Variants in MAP2K5 observed in about 807,000 individuals in gnomAD.
The protein encoded by MAP2K5 is dual specificity mitogen-activated protein kinase kinase 5.
MAP2K5 carries 49 observed loss-of-function variants against 83.1 expected under a neutral mutation model. The ratio of observed to expected loss-of-function variants is 0.59; its 90% CI spans 0.47 to 0.75. MAP2K5 has a LOEUF of 0.75. Among genes scored for constraint, MAP2K5 ranks in the 30% least tolerant of loss-of-function variants. The pLI is 0.00. For missense variants in MAP2K5, 457 were observed against 557.5 expected (o/e 0.82, Z 1.82); for synonymous variants, 202 against 191.8 (o/e 1.05, Z -0.44).
chr15:67,597,053 C>T (rs1027143703), intron 7 of MAP2K5, among the ~76,000 whole-genome samples: 2 of 151,816 alleles, frequency 1.3e-5, no homozygotes, highest in Non-Finnish European at 2.9e-5. Flanking sequence ...CCTGTAGTCC[C>T]AGCTACTCAG....
At chr15:67,569,922 A>G (rs573945703) in intron 3 of MAP2K5, among the ~76,000 whole-genome samples, 111 of 152,288 alleles carry the variant, frequency 7.3e-4, no homozygotes, top group African/African-American at 2.5e-3. Context: ...TGTTTTATTT[A>G]AGTGGCAGGT....
At chr15:67,608,325 G>GGGATT (rs779067470) in intron 8 of MAP2K5, among the ~76,000 whole-genome samples, 3 of 152,200 alleles carry the variant, frequency 2.0e-5, no homozygotes, top group Non-Finnish European at 2.9e-5. Context: ...AGAATAATGA[G>GGGATT]GGATTGGGGA....
At chr15:67,602,254 T>C (rs935434295) in intron 8 of MAP2K5, among the ~76,000 whole-genome samples, 2 of 152,214 alleles carry the variant, frequency 1.3e-5, no homozygotes. Flanking sequence ...CAGGTACCCA[T>C]AGAAAGGAAA....
intron 3 of MAP2K5, among the ~76,000 whole-genome samples, chr15:67,578,126 G>A (rs986922562): frequency 1.3e-5 from 2 of 152,182 alleles, no homozygotes; most frequent in Admixed American, 6.5e-5. Context: ...GTAACATGAG[G>A]CACAGTGAGC....
chr15:67,586,063 G>A, intron 5 of MAP2K5, 133 bp downstream of exon 5: 1 of 769,258 alleles, frequency 1.3e-6, no homozygotes, highest in East Asian at 2.7e-5. Flanking sequence ...TTAAATGGGA[G>A]GTGGAGGGGG....
intron 8 of MAP2K5, chr15:67,628,521 A>C: frequency 1.3e-6 from 1 of 766,688 alleles, no homozygotes; most frequent in South Asian, 1.5e-5. Context: ...ACACTGAGGA[A>C]TATCACCTAA....
intron 19 of MAP2K5, among the ~76,000 whole-genome samples, chr15:67,763,787 G>A (rs1433053374): frequency 6.6e-6 from 1 of 152,038 alleles, no homozygotes; most frequent in Non-Finnish European, 1.5e-5. Flanking sequence ...GGTCTGACAG[G>A]CAACACGCTA....
Position 67,552,028 on chromosome 15 carries a change from A to G in MAP2K5, c.184+1946A>G, listed in dbSNP as rs1190249508. 7.0e-6 allele frequency among the ~76,000 whole-genome samples: 1 copy of G among 143,742 alleles called. No homozygotes were observed. The highest frequency in any genetic ancestry group is 1.5e-5 in the Non-Finnish European group (1 of 66,052). 94.3% of individuals were successfully genotyped at this position (143,742 alleles called of 152,430 possible). A position where few individuals can be genotyped will look rare whatever the true frequency, so the allele number is the denominator to read the frequency against. On this transcript the variant is annotated intron_variant, in intron 2 of 21. Coordinates refer to ENST00000178640, the MANE Select transcript of MAP2K5 (RefSeq NM_145160.3). This position sits in a 1 kb window ranked among gnomAD's most constrained non-coding sequence, Gnocchi z 4.2. ...AAGAGTGCCTACTACAGTACTTTCCAGTGACTTACCCTGTAAAGTGGACTT... is the reference window on the plus strand; with the variant it reads ...AAGAGTGCCTACTACAGTACTTTCCGGTGACTTACCCTGTAAAGTGGACTT...
chr15:67,589,180 G>T (rs1372575699), intron 6 of MAP2K5, among the ~76,000 whole-genome samples: 1 of 151,998 alleles, frequency 6.6e-6, no homozygotes, highest in Non-Finnish European at 1.5e-5. Flanking sequence ...GGATAGCTTA[G>T]GTCACCGTGA....
At chr15:67,592,262 A>G (rs1433262427) in intron 6 of MAP2K5, among the ~76,000 whole-genome samples, 3 of 152,160 alleles carry the variant, frequency 2.0e-5, no homozygotes, top group African/African-American at 7.2e-5. Context: ...ACCAGCTAAA[A>G]TTTATTAATT....
At chr15:67,624,875 C>T (rs1332362876) in intron 8 of MAP2K5, among the ~76,000 whole-genome samples, 1 of 152,188 alleles carries the variant, frequency 6.6e-6, no homozygotes, top group East Asian at 1.9e-4. Context: ...AGGTGATCCA[C>T]CTGGCTTGGC....
intron 13 of MAP2K5, among the ~76,000 whole-genome samples, chr15:67,689,481 TG>T (rs2088044591): frequency 6.6e-6 from 1 of 152,088 alleles, no homozygotes; most frequent in African/African-American, 2.4e-5. Flanking sequence ...GCCTTAATGA[TG>T]AGGTTTTTTT....
Position 67,668,985 on chromosome 15 carries a change from G to A in MAP2K5, c.847+4340G>A, listed in dbSNP as rs1411138190. On this transcript the variant is annotated intron_variant, in intron 13 of 21. Coordinates refer to ENST00000178640, the MANE Select transcript of MAP2K5 (RefSeq NM_145160.3). The surrounding 1 kb of genome is among the most constrained non-coding windows in gnomAD (Gnocchi z 4.0). ...ATAGATTTGTGTTTAAAGAAACTAA[G>A]CCTTGTAGTTTCAGTATACATGTTA... Among the ~76,000 whole-genome samples, 2 of 152,070 alleles carry A rather than the reference G, an allele frequency of 1.3e-5. No individual in the cohort carries two copies. Among genetic ancestry groups the A allele is most frequent in the East Asian group, 1.9e-4 (1 of 5,196 alleles).
In MAP2K5 at chr15:67,790,036, C is replaced by G. The variant is rs1285199235; in HGVS notation, c.1243-16610C>G. Among the ~76,000 whole-genome samples, 1 of 152,112 alleles carries G rather than the reference C, an allele frequency of 6.6e-6. No homozygotes were observed. The highest frequency in any genetic ancestry group is 1.5e-5 in the Non-Finnish European group (1 of 68,022). ...GTCAAGCAACATTGAGGTTGAATAGCCAATAGCTGGGGGTAAACTACAAGA... is the reference window on the plus strand; with the variant it reads ...GTCAAGCAACATTGAGGTTGAATAGGCAATAGCTGGGGGTAAACTACAAGA... On this transcript the variant is annotated intron_variant, in intron 21 of 21. Coordinates refer to ENST00000178640, the MANE Select transcript of MAP2K5 (RefSeq NM_145160.3). The surrounding 1 kb of genome is among the most constrained non-coding windows in gnomAD (Gnocchi z 4.6).
intron 9 of MAP2K5, among the ~76,000 whole-genome samples, chr15:67,643,280 T>C (rs994002653): frequency 2.0e-5 from 3 of 152,226 alleles, no homozygotes; most frequent in East Asian, 1.9e-4. Flanking sequence ...ATTGAACTGA[T>C]GCTAGATGAA....
intron 8 of MAP2K5, among the ~76,000 whole-genome samples, chr15:67,630,104 T>C (rs1014937854): frequency 1.1e-4 from 17 of 152,278 alleles, no homozygotes; most frequent in African/African-American, 4.1e-4. Context: ...CATGGTGGCA[T>C]GTGCCTATAG....
chr15:67,644,925 G>A lies in MAP2K5; in HGVS notation c.586-1306G>A, dbSNP rs1262484438. Among the ~76,000 whole-genome samples, 1 of 152,110 alleles carries A rather than the reference G, an allele frequency of 6.6e-6. No homozygotes were observed. Among genetic ancestry groups the A allele is most frequent in the African/African-American group, 2.4e-5 (1 of 41,416 alleles). The stretch of plus-strand genomic sequence containing the variant: ...GAACTTTGGGAGGCTGAGGTGAGCG[G>A]ATCATTGAGGTCAGGAGTTCAAGAC... On this transcript the variant is annotated intron_variant, in intron 9 of 21. Coordinates refer to ENST00000178640, the MANE Select transcript of MAP2K5 (RefSeq NM_145160.3). This position sits in a 1 kb window ranked among gnomAD's most constrained non-coding sequence, Gnocchi z 4.6.
chr15:67,598,106 G>A (rs1175583405), intron 7 of MAP2K5, among the ~76,000 whole-genome samples: 1 of 151,978 alleles, frequency 6.6e-6, no homozygotes, highest in Non-Finnish European at 1.5e-5. Context: ...TCGGGAGGCT[G>A]AGGCAGGAGA....
In MAP2K5 at chr15:67,586,654, A is replaced by G. The variant is rs368159271; in HGVS notation, c.364-192A>G. ...AGTATTTAATGGAATAATGACAGGA[A>G]TAGAATATTATGTAATGTATGGGTT... On this transcript the variant is annotated intron_variant, in intron 5 of 21. Transcript: ENST00000178640. Among the ~76,000 whole-genome samples, 9 of 152,330 alleles carry G rather than the reference A, an allele frequency of 5.9e-5. No homozygotes were observed. The East Asian group carries it at 1.7e-3, about 29-fold the overall frequency.
Sources: gnomAD v4.1 joint callset for allele counts (sites outside exome capture counted in the v4.1 genomes callset) on GRCh38, gnomAD v4.1.1 for gene constraint, Gnocchi (gnomAD v3.1) non-coding constraint, MANE v1.5 for transcripts, NCBI Gene and HGNC (gene_info 2026-07-23, HGNC 2026-07-21) for gene names.